ZNF320: variants seen among roughly 807,000 people sequenced by gnomAD.
ZNF320 encodes zinc finger protein 320.
ZNF320 carries 2 observed loss-of-function variants against 6.8 expected under a neutral mutation model. The observed-to-expected ratio is 0.29, with a 90% CI of 0.12 to 0.93. The LOEUF is 0.93. ZNF320 is among the 40% of genes least tolerant of loss of function. The pLI, the probability that ZNF320 is intolerant of heterozygous loss-of-function variation, is 0.55. For missense variants in ZNF320, 472 were observed against 611.0 expected (o/e 0.77, Z 2.40); for synonymous variants, 208 against 203.2 (o/e 1.02, Z -0.20).
the ZNF320 span, among the ~76,000 whole-genome samples, chr19:52,903,085 A>G: frequency 6.6e-6 from 1 of 151,960 alleles, no homozygotes; most frequent in East Asian, 1.9e-4. Context: ...CCTTGTACAT[A>G]AACTGTTTCT....
At position 52,880,933 on chromosome 19, in the gene ZNF320, G is replaced by A; in HGVS notation, c.1193C>T (p.Ala398Val). 2 of 1,613,458 alleles carry A rather than the reference G, an allele frequency of 1.2e-6. No homozygotes were observed. Among genetic ancestry groups the A allele is most frequent in the Non-Finnish European group, 1.7e-6 (2 of 1,179,514 alleles). ...AAGTTTTTGATGACATGCGAGGTAC[G>A]CTTTTGTACTAAAAACCTTGCCACA... Reference protein sequence around the residue: ...NECGKVFSTKAYLACHQKLHT... With the variant: ...NECGKVFSTKVYLACHQKLHT... The change falls in exon 6 of 6, where the codon GCG (alanine) becomes GTG (valine). Residue 398 changes from alanine to valine, a missense_variant. This residue lies in a region of ZNF320 where 462 missense variants were observed against 559.7 expected (regional missense o/e 0.83). Coordinates refer to ENST00000682928, the MANE Select transcript of ZNF320 (RefSeq NM_001351774.2).
At position 52,868,747 on chromosome 19, in the gene ZNF320, A is replaced by T. The variant is rs555868246; in HGVS notation, c.224-4588T>A. Among the ~76,000 whole-genome samples the T allele has an allele frequency of 1.8e-3, 273 of 152,258 alleles. 2 individuals carry two copies. Among genetic ancestry groups the T allele is most frequent in the African/African-American group, 6.2e-3 (257 of 41,550 alleles). On this transcript the variant is annotated intron_variant, in intron 5 of 5. Coordinates refer to the ZNF320 transcript ENST00000673631. ...TGCAAGGAGAACAGAATGAAATACT[A>T]CAAGGGGGATACAAGCAAGGGCTGA...
chr19:52,867,486 G>A (rs767467368), intron 5 of ZNF320, among the ~76,000 whole-genome samples: 17 of 151,928 alleles, frequency 1.1e-4, no homozygotes, highest in Admixed American at 1.3e-4. Context: ...ATGAGCCACC[G>A]TGCCCAGCCC....
Position 52,881,423 on chromosome 19 carries a change from G to A in ZNF320, c.703C>T (p.His235Tyr), listed in dbSNP as rs201818269. Residue 235 changes from histidine to tyrosine, a missense_variant, in exon 6 of 6, where the codon CAT becomes TAT. Around this residue, in one of 2 missense-constraint regions of ZNF320, gnomAD observed 462 missense variants for 559.7 expected, o/e 0.83. Transcript: ENST00000682928. The part of the protein sequence containing the change: ...VFDQKATLAC[H>Y]HRSHTGEKPY... ...TTCTCTCCAGTATGACTTCTATGAT[G>A]ACATGCAAGGGTTGCTTTTTGATCA... 32 of 1,613,882 alleles carry A rather than the reference G, an allele frequency of 2.0e-5. No homozygotes were observed. The highest frequency in any genetic ancestry group is 2.5e-5 in the Non-Finnish European group (29 of 1,180,006).
chr19:52,870,432 C>T (rs983120777), intron 5 of ZNF320, among the ~76,000 whole-genome samples: 3 of 142,374 alleles, frequency 2.1e-5, no homozygotes, highest in South Asian at 2.2e-4. Flanking sequence ...GAGCCAAGAT[C>T]GGGCCACTAC....
downstream of ZNF320, among the ~76,000 whole-genome samples, chr19:52,860,067 C>T (rs2063478316): frequency 6.6e-6 from 1 of 152,070 alleles, no homozygotes; most frequent in Non-Finnish European, 1.5e-5. Context: ...CGCCCGCCAC[C>T]ACGCCCGGCT....
the ZNF320 span, among the ~76,000 whole-genome samples, chr19:52,903,758 C>CAAGATA: frequency 6.2e-4 from 94 of 151,954 alleles, no homozygotes; most frequent in African/African-American, 2.2e-3. Context: ...ATACTCACCA[C>CAAGATA]AAGAATGGGT....
At chr19:52,869,374 C>T (rs879491884) in intron 5 of ZNF320, among the ~76,000 whole-genome samples, 23 of 152,032 alleles carry the variant, frequency 1.5e-4, no homozygotes, top group Non-Finnish European at 2.2e-4. Flanking sequence ...GAATTTCATA[C>T]ACACAGAAAA....
chr19:52,870,466 A>G (rs1479712221), intron 5 of ZNF320, among the ~76,000 whole-genome samples: 1 of 131,472 alleles, frequency 7.6e-6, no homozygotes, highest in Non-Finnish European at 1.6e-5. Flanking sequence ...CAACAGAGCC[A>G]GACTCCGTCT....
At chr19:52,863,085 G>A (rs1007138721) in exon 6 of ZNF320, among the ~76,000 whole-genome samples, 1 of 152,086 alleles carries the variant, frequency 6.6e-6, no homozygotes, top group Admixed American at 6.6e-5. Flanking sequence ...TCAACCTTTC[G>A]AGTAGCTGGG....
intron 1 of ZNF320, 85 bp downstream of exon 1, chr19:52,897,435 G>C (rs149551471): frequency 1.3e-5 from 2 of 152,288 alleles, no homozygotes; most frequent in Non-Finnish European, 2.9e-5. Flanking sequence ...GATAGGAGGT[G>C]TCTGCACGAC....
intron 5 of ZNF320, among the ~76,000 whole-genome samples, chr19:52,884,346 C>G (rs934978322): frequency 6.6e-6 from 1 of 152,186 alleles, no homozygotes; most frequent in African/African-American, 2.4e-5. Context: ...AGCCCAGAGT[C>G]TCACTCTGTT....
At chr19:52,860,596 T>TAA (rs1600548461), downstream of ZNF320, among the ~76,000 whole-genome samples, 1 of 45,998 alleles carries the variant, frequency 2.2e-5, no homozygotes. Flanking sequence ...TGAAACGGCA[T>TAA]CAAAAAAAAA....
rs1600576928 is a variant in ZNF320 at position 52,869,861 on chromosome 19, A to G, written c.223+4131T>C. On this transcript the variant is annotated intron_variant, in intron 5 of 5. Transcript: ENST00000673631. ...CTCCTGAGTAGCTGGGACTACAGGC[A>G]CCCGCCACCACATCTGGCTAATGTT... Among the ~76,000 whole-genome samples the G allele has an allele frequency of 2.6e-5, 4 of 151,978 alleles. No individual in the cohort carries two copies. In the South Asian group the frequency reaches 6.3e-4, roughly 24 times the overall value.
At chr19:52,860,884 C>T (rs936608638) in exon 6 of ZNF320, among the ~76,000 whole-genome samples, 2 of 152,086 alleles carry the variant, frequency 1.3e-5, no homozygotes, top group African/African-American at 4.8e-5. Context: ...TCCTGTTTAA[C>T]AGTTTTTCCA....
At chr19:52,864,238 G>C (rs1008397229) in intron 5 of ZNF320, 2 of 164,530 alleles carry the variant, frequency 1.2e-5, no homozygotes, top group African/African-American at 4.8e-5. Flanking sequence ...GGGAAATTAA[G>C]TATCGATTGG....
At chr19:52,861,635 C>T (rs574879726) in exon 6 of ZNF320, among the ~76,000 whole-genome samples, 2 of 152,274 alleles carry the variant, frequency 1.3e-5, no homozygotes, top group East Asian at 3.9e-4. Context: ...ATCCTCTTAA[C>T]ATAAACACTT....
chr19:52,872,706 T>G (rs1237275251), downstream of ZNF320, among the ~76,000 whole-genome samples: 1 of 152,152 alleles, frequency 6.6e-6, no homozygotes, highest in East Asian at 1.9e-4. Flanking sequence ...TTTCACCGTG[T>G]TAACCAGGAT....
chr19:52,903,115 T>G, the ZNF320 span, among the ~76,000 whole-genome samples: 1 of 152,224 alleles, frequency 6.6e-6, no homozygotes, highest in Non-Finnish European at 1.5e-5. Context: ...GGAGGCCTTA[T>G]TACTTTTAAA....
Sources: gnomAD v4.1 joint callset for allele counts (sites outside exome capture counted in the v4.1 genomes callset) on GRCh38, gnomAD v4.1.1 for gene constraint, gnomAD v4.1.1 regional missense constraint, MANE v1.5 for transcripts, NCBI Gene and HGNC (gene_info 2026-07-23, HGNC 2026-07-21) for gene names.